Variants in DNAJB12 observed in about 807,000 individuals in gnomAD.
DNAJB12 encodes DnaJ heat shock protein family (Hsp40) member B12.
DNAJB12 carries 14 observed loss-of-function variants against 40.6 expected under a neutral mutation model. The ratio of observed to expected loss-of-function variants is 0.34; its 90% CI spans 0.23 to 0.54. The LOEUF is 0.54. DNAJB12 is among the 20% of genes least tolerant of loss of function. DNAJB12 has a pLI of 0.92. For missense variants in DNAJB12, 444 were observed against 501.7 expected (o/e 0.89, Z 1.10); for synonymous variants, 181 against 199.5 (o/e 0.91, Z 0.78).
Position 72,343,524 on chromosome 10 carries a change from G to GA in DNAJB12, c.312-14dup. ...ACATTGCTTGACCCTGGGGAAGGAGGAGACCATGGTACGGGGTGCTCTACA... is the reference window on the plus strand; with the variant it reads ...ACATTGCTTGACCCTGGGGAAGGAGGAAGACCATGGTACGGGGTGCTCTACA... On this transcript the variant is annotated splice_polypyrimidine_tract_variant and intron_variant, in intron 2 of 8. Transcript: ENST00000444643. 1 of 1,613,998 alleles carries GA rather than the reference G, an allele frequency of 6.2e-7. No individual in the cohort carries two copies. The highest frequency in any genetic ancestry group is 8.5e-7 in the Non-Finnish European group (1 of 1,179,936).
At chr10:72,349,316 A>G (rs866405823) in intron 1 of DNAJB12, among the ~76,000 whole-genome samples, 1 of 150,248 alleles carries the variant, frequency 6.7e-6, no homozygotes, top group South Asian at 2.1e-4. Flanking sequence ...AAGTGAGGGA[A>G]CCTGTGGTGG....
At chr10:72,334,734 A>C in intron 8 of DNAJB12, 117 bp from the exon 9 acceptor site, 23 of 1,375,718 alleles carry the variant, frequency 1.7e-5, no homozygotes, top group Admixed American at 7.0e-5. Flanking sequence ...TGCCCGCTCG[A>C]CCCCCACCAA....
chr10:72,341,039 C>T lies in DNAJB12; in HGVS notation c.589G>A (p.Asp197Asn), dbSNP rs147227290. The T allele has an allele frequency of 2.2e-5, 35 of 1,614,102 alleles. No homozygotes were observed. The highest frequency in any genetic ancestry group is 6.7e-5 in the East Asian group (3 of 44,872). The change falls in exon 4 of 9, where the codon GAC becomes AAC. Residue 197 changes from aspartate (D) to asparagine (N), a missense_variant. Coordinates refer to ENST00000444643, the MANE Select transcript of DNAJB12 (RefSeq NM_017626.7). ...HGDFHRGFEA[D>N]ISPEDLFNMF... Reference sequence around the variant, plus strand: ...TTGAAGAGGTCTTCAGGGGAGATGTCGGCCTCAAAGCCACGGTGGAAATCC... The same window carrying T: ...TTGAAGAGGTCTTCAGGGGAGATGTTGGCCTCAAAGCCACGGTGGAAATCC...
At chr10:72,338,143 G>A in intron 6 of DNAJB12, 59 bp downstream of exon 6, 3 of 1,459,676 alleles carry the variant, frequency 2.1e-6, no homozygotes, top group Non-Finnish European at 2.9e-6. Flanking sequence ...GGCCCCTGAT[G>A]GGGCTGAGAA....
chr10:72,335,778 A>T lies in DNAJB12; in HGVS notation c.*30+2T>A, dbSNP rs1861454404. On this transcript the variant is annotated splice_donor_variant, in intron 8 of 8. Transcript: ENST00000444643. LOFTEE classifies it low-confidence loss of function (3UTR_SPLICE). The surrounding 1 kb of genome is among the most constrained non-coding windows in gnomAD (Gnocchi z 4.4). ...CAGGGTGGAGGCAGCCCTGGCTCAT[A>T]CTTGGACCTCGGTGGTGTGGCTGGC... 1.9e-6 allele frequency: 3 copies of T among 1,612,620 alleles called. No individual in the cohort carries two copies. The highest frequency in any genetic ancestry group is 1.7e-6 in the Non-Finnish European group (2 of 1,179,218).
rs1043284603 is a variant in DNAJB12, at chr10:72,333,999, A to G, written c.*649T>C. The G allele has an allele frequency of 6.5e-6, 1 of 153,588 alleles. No homozygotes were observed. The highest frequency in any genetic ancestry group is 6.5e-5 in the Admixed American group (1 of 15,296). The allele number at this position is 153,588 out of a possible 1,614,324, so 9.5% of individuals were successfully genotyped here. A position where few individuals can be genotyped will look rare whatever the true frequency, so the allele number is the denominator to read the frequency against. ...TCTCCTTATGCTGTCAGCTACAGCT[A>G]ATGTCTAGCAAAAACATCACCAGGG... On this transcript the variant is annotated 3_prime_UTR_variant, in exon 9 of 9. Coordinates refer to ENST00000444643, the MANE Select transcript of DNAJB12 (RefSeq NM_017626.7).
chr10:72,354,436 T>G (rs892183103), intron 1 of DNAJB12: 3 of 303,068 alleles, frequency 9.9e-6, no homozygotes, highest in African/African-American at 4.3e-5. Flanking sequence ...GAACGGCCCC[T>G]TGGGAAAAGT....
At position 72,350,427 on chromosome 10, in the gene DNAJB12, A is replaced by G. The variant is rs966621995; in HGVS notation, c.133+4338T>C. Reference sequence around the variant, plus strand: ...AAAAAAAAAAAAAAAAAAAAAAAAAAGACTGCCCGATGGGTTCAAACCTAG... The same window carrying G: ...AAAAAAAAAAAAAAAAAAAAAAAAAGGACTGCCCGATGGGTTCAAACCTAG... On this transcript the variant is annotated intron_variant, in intron 1 of 8. Coordinates refer to ENST00000444643, the MANE Select transcript of DNAJB12 (RefSeq NM_017626.7). Among the ~76,000 whole-genome samples, 6 of 147,166 alleles carry G rather than the reference A, an allele frequency of 4.1e-5. No individual in the cohort carries two copies. In the South Asian group the frequency reaches 1.3e-3, roughly 31 times the overall value.
intron 5 of DNAJB12, among the ~76,000 whole-genome samples, chr10:72,340,521 T>C (rs9416017): frequency 0.51 from 77,655 of 152,132 alleles, 20,955 homozygotes; most frequent in Non-Finnish European, 0.62. Flanking sequence ...AACCTGGCTG[T>C]GGGTGGGGTT....
rs143406248 is a variant in DNAJB12 at position 72,341,032 on chromosome 10, G to A, written c.596C>T (p.Ser199Phe). The change falls in exon 4 of 9, where the codon TCC becomes TTC. Residue 199 changes from serine (S) to phenylalanine (F), a missense_variant. Coordinates refer to ENST00000444643, the MANE Select transcript of DNAJB12 (RefSeq NM_017626.7). The part of the protein sequence containing the change: ...DFHRGFEADI[S>F]PEDLFNMFFG... The stretch of plus-strand genomic sequence containing the variant: ...GAACATGTTGAAGAGGTCTTCAGGG[G>A]AGATGTCGGCCTCAAAGCCACGGTG... 18 of 1,613,992 alleles carry A rather than the reference G, an allele frequency of 1.1e-5. No homozygotes were observed. The highest frequency in any genetic ancestry group is 2.7e-5 in the African/African-American group (2 of 74,924).
chr10:72,343,478 C>T lies in DNAJB12; in HGVS notation c.345G>A (p.Leu115=). The change falls in exon 3 of 9, where the codon CTG becomes CTA. Residue 115 remains leucine, a synonymous_variant. Transcript: ENST00000444643. ...CATCCGAGGCCCCTCTGCTCACCCC[C>T]AGGATCTCATAGTAATCTTTACATT... The part of the protein sequence containing the change: ...VKQCKDYYEI[L]GVSRGASDED... 6.2e-7 allele frequency: 1 copy of T among 1,614,190 alleles called. No homozygotes were observed. Among genetic ancestry groups the T allele is most frequent in the Non-Finnish European group, 8.5e-7 (1 of 1,180,034 alleles).
Position 72,336,584 on chromosome 10 carries a change from T to C in DNAJB12, c.946A>G (p.Asn316Asp). The C allele has an allele frequency of 6.2e-7, 1 of 1,614,124 alleles. No homozygotes were observed. The highest frequency in any genetic ancestry group is 1.1e-5 in the South Asian group (1 of 91,082). ...TGSSLKTVERNVEDDYIANLR... is the reference protein window; with the variant it reads ...TGSSLKTVERDVEDDYIANLR... Reference sequence around the variant, plus strand: ...TTGGCGATATAATCATCTTCCACATTCCGCTCGACTGTTTTGAGGCTGGAG... The same window carrying C: ...TTGGCGATATAATCATCTTCCACATCCCGCTCGACTGTTTTGAGGCTGGAG... The change falls in exon 7 of 9, where the codon AAT becomes GAT. Residue 316 changes from asparagine to aspartate, a missense_variant. Asn to Asp is a conservative substitution (Grantham distance 23). Transcript: ENST00000444643.
chr10:72,342,966 C>T (rs558977952), intron 3 of DNAJB12, among the ~76,000 whole-genome samples: 5 of 152,274 alleles, frequency 3.3e-5, no homozygotes, highest in East Asian at 1.9e-4. Context: ...CTGAGGCCCC[C>T]GACCTGGGGC....
At position 72,341,222 on chromosome 10, in the gene DNAJB12, G is replaced by A. The variant is rs779020651; in HGVS notation, c.458-52C>T. On this transcript the variant is annotated intron_variant, in intron 3 of 8. Coordinates refer to ENST00000444643, the MANE Select transcript of DNAJB12 (RefSeq NM_017626.7). ...CTGAGGATCCTGGGGTGCGGGGGGAGGCTCCCATGGCAGCCGAGTGCTCAC... is the reference window on the plus strand; with the variant it reads ...CTGAGGATCCTGGGGTGCGGGGGGAAGCTCCCATGGCAGCCGAGTGCTCAC... 6.5e-6 allele frequency: 10 copies of A among 1,541,974 alleles called. No individual in the cohort carries two copies. In the South Asian group the frequency reaches 1.0e-4, roughly 16 times the overall value.
At chr10:72,354,657 G>A (rs1862018854) in intron 1 of DNAJB12, 108 bp downstream of exon 1, 4 of 1,087,554 alleles carry the variant, frequency 3.7e-6, no homozygotes, top group Non-Finnish European at 5.2e-6. Context: ...CGCAGGCGTA[G>A]CCGCGCCTCG....
In DNAJB12 at chr10:72,354,826, G is replaced by A; in HGVS notation, c.72C>T (p.Pro24=). The A allele has an allele frequency of 3.7e-6, 6 of 1,614,060 alleles. No individual in the cohort carries two copies. Among genetic ancestry groups the A allele is most frequent in the Non-Finnish European group, 5.1e-6 (6 of 1,179,920 alleles). ...IALKAIQSNQ[P]DRALRFLEKA... Reference sequence around the variant, plus strand: ...TCTCCAGGAAGCGGAGCGCCCGGTCGGGCTGGTTGCTCTGGATGGCCTTGA... The same window carrying A: ...TCTCCAGGAAGCGGAGCGCCCGGTCAGGCTGGTTGCTCTGGATGGCCTTGA... The change falls in exon 1 of 9, where the codon CCC becomes CCT. Residue 24 remains proline, a synonymous_variant. Transcript: ENST00000444643.
In DNAJB12 at chr10:72,334,506, T is replaced by C; in HGVS notation, c.*142A>G. On this transcript the variant is annotated 3_prime_UTR_variant, in exon 9 of 9. Transcript: ENST00000444643. ...GAGAGAGAGGGCAGCTGTGCAGCGT[T>C]CGGCCTCCAATTCCATTTTAATTTT... The C allele has an allele frequency of 6.8e-7, 1 of 1,472,742 alleles. No homozygotes were observed. Among genetic ancestry groups the C allele is most frequent in the South Asian group, 1.2e-5 (1 of 82,736 alleles). 91.2% of individuals were successfully genotyped at this position (1,472,742 alleles called of 1,614,324 possible). A position where few individuals can be genotyped will look rare whatever the true frequency, so the allele number is the denominator to read the frequency against.
At chr10:72,345,358 T>A (rs778721625) in intron 1 of DNAJB12, among the ~76,000 whole-genome samples, 1 of 152,026 alleles carries the variant, frequency 6.6e-6, no homozygotes, top group Non-Finnish European at 1.5e-5. Flanking sequence ...TCCCAGCATT[T>A]TGGGAGGCTG....
At position 72,335,637 on chromosome 10, in the gene DNAJB12, C is replaced by A; in HGVS notation, c.*30+143G>T. 2.8e-6 allele frequency: 4 copies of A among 1,427,276 alleles called. No homozygotes were observed. Among genetic ancestry groups the A allele is most frequent in the Non-Finnish European group, 3.7e-6 (4 of 1,092,756 alleles). The allele number at this position is 1,427,276 out of a possible 1,614,324, so 88.4% of individuals were successfully genotyped here. A position where few individuals can be genotyped will look rare whatever the true frequency, so the allele number is the denominator to read the frequency against. On this transcript the variant is annotated intron_variant, in intron 8 of 8. Transcript: ENST00000444643. The surrounding 1 kb of genome is among the most constrained non-coding windows in gnomAD (Gnocchi z 4.4). ...CCAGCAGGCCCCACAGCTGCTCGGT[C>A]TCTGGAGGCTGGAGGTCAGGCTGGG...
Sources: allele counts gnomAD v4.1 joint callset (sites outside exome capture counted in the v4.1 genomes callset), GRCh38; gene constraint gnomAD v4.1.1; non-coding constraint Gnocchi (gnomAD v3.1); transcripts MANE v1.5; gene names NCBI Gene and HGNC (gene_info 2026-07-23, HGNC 2026-07-21).